BLOC1S2: variants seen among roughly 807,000 people sequenced by gnomAD.
The protein encoded by BLOC1S2 is biogenesis of lysosomal organelles complex 1 subunit 2, also known as biogenesis of lysosome-related organelles complex 1 subunit 2.
A neutral mutation model predicts 19.6 loss-of-function variants in BLOC1S2; 12 were observed. The observed-to-expected ratio is 0.61, with a 90% CI of 0.39 to 0.99. BLOC1S2 has a LOEUF of 0.99. BLOC1S2 is among the 50% of genes least tolerant of loss of function. The pLI, the probability that BLOC1S2 is intolerant of heterozygous loss-of-function variation, is 0.00. For synonymous variants in BLOC1S2, 66 were observed against 64.1 expected (o/e 1.03, Z -0.14); for missense variants, 142 against 171.0 (o/e 0.83, Z 0.95).
intron 4 of BLOC1S2, among the ~76,000 whole-genome samples, chr10:100,278,078 G>A (rs1341334663): frequency 4.0e-5 from 5 of 125,926 alleles, no homozygotes; most frequent in Non-Finnish European, 8.6e-5. Context: ...GCCCCCCGCC[G>A]GGCCAGCCGC....
At chr10:100,276,100 G>A (rs1847840375) in intron 4 of BLOC1S2, among the ~76,000 whole-genome samples, 1 of 152,116 alleles carries the variant, frequency 6.6e-6, no homozygotes, top group African/African-American at 2.4e-5. Context: ...GGTTACCCCT[G>A]CCTTCTACGC....
chr10:100,283,823 C>T (rs1161766466), intron 2 of BLOC1S2, among the ~76,000 whole-genome samples: 3 of 152,018 alleles, frequency 2.0e-5, no homozygotes, highest in Admixed American at 6.6e-5. Context: ...TGCAGTGAGC[C>T]GAGATTGCAC....
At position 100,277,878 on chromosome 10, in the gene BLOC1S2, A is replaced by C. The variant is rs1589648033; in HGVS notation, c.397+2246T>G. On this transcript the variant is annotated intron_variant, in intron 4 of 4. Transcript: ENST00000370372. Reference sequence around the variant, plus strand: ...CGGCCAGCCGCCCCGTCCGGGAGGGAGGTGGGGGGGTCAGCCCCCCGCCTG... The same window carrying C: ...CGGCCAGCCGCCCCGTCCGGGAGGGCGGTGGGGGGGTCAGCCCCCCGCCTG... 6.0e-5 allele frequency among the ~76,000 whole-genome samples: 6 copies of C among 100,724 alleles called. No homozygotes were observed. The South Asian group carries it at 2.0e-3, about 33-fold the overall frequency. The allele number at this position is 100,724 out of a possible 152,430, so 66.1% of individuals were successfully genotyped here. A position where few individuals can be genotyped will look rare whatever the true frequency, so the allele number is the denominator to read the frequency against.
intron 4 of BLOC1S2, 51 bp downstream of exon 4, chr10:100,280,073 G>T: frequency 1.4e-6 from 2 of 1,403,624 alleles, no homozygotes; most frequent in Non-Finnish European, 2.0e-6. Context: ...CTAAGAATAT[G>T]CTGGCAAGAA....
At position 100,286,085 on chromosome 10, in the gene BLOC1S2, A is replaced by G; in HGVS notation, c.172+12T>C. 6.2e-7 allele frequency: 1 copy of G among 1,612,652 alleles called. No individual in the cohort carries two copies. The highest frequency in any genetic ancestry group is 8.5e-7 in the Non-Finnish European group (1 of 1,179,404). ...CCAAACCGCACCCGAATCAACCCAGACCCCGCCTCACCCGTCAGTTCCCCA... is the reference window on the plus strand; with the variant it reads ...CCAAACCGCACCCGAATCAACCCAGGCCCCGCCTCACCCGTCAGTTCCCCA... On this transcript the variant is annotated intron_variant, in intron 2 of 4. Transcript: ENST00000370372.
At chr10:100,286,561 C>T in intron 1 of BLOC1S2, 44 bp downstream of exon 1, 1 of 1,609,756 alleles carries the variant, frequency 6.2e-7, no homozygotes, top group Non-Finnish European at 8.5e-7. Flanking sequence ...AGACGGAGCC[C>T]CAGGCCCCCC....
intron 4 of BLOC1S2, among the ~76,000 whole-genome samples, chr10:100,276,748 C>G (rs1308067528): frequency 5.3e-5 from 8 of 150,464 alleles, no homozygotes; most frequent in Admixed American, 5.3e-4. Flanking sequence ...GAGTGATCCG[C>G]CAGCCTCGGC....
Position 100,275,096 on chromosome 10 carries a change from A to C in BLOC1S2, c.*366T>G, listed in dbSNP as rs1318861116. 2.5e-6 allele frequency: 1 copy of C among 401,238 alleles called. No individual in the cohort carries two copies. The highest frequency in any genetic ancestry group is 4.3e-5 in the Admixed American group (1 of 23,072). 24.9% of individuals were successfully genotyped at this position (401,238 alleles called of 1,614,324 possible). ...ACGACCATTTACATAGTAACTAAAA[A>C]ACCAGCCACTTAAGAAAATAATGTA... On this transcript the variant is annotated 3_prime_UTR_variant, in exon 5 of 5. Transcript: ENST00000370372.
chr10:100,283,361 C>T (rs1006745718), intron 2 of BLOC1S2, among the ~76,000 whole-genome samples: 3 of 152,082 alleles, frequency 2.0e-5, no homozygotes, highest in Non-Finnish European at 2.9e-5. Context: ...AAAGACAAGA[C>T]TACAAGGATG....
chr10:100,277,512 G>C (rs1478203286), intron 4 of BLOC1S2, among the ~76,000 whole-genome samples: 5 of 115,056 alleles, frequency 4.3e-5, no homozygotes, highest in Middle Eastern at 5.6e-3. Flanking sequence ...AGGTGGGGGG[G>C]TCAGCCCCCC....
intron 4 of BLOC1S2, among the ~76,000 whole-genome samples, chr10:100,279,676 C>T (rs1307664140): frequency 1.3e-5 from 2 of 152,058 alleles, no homozygotes; most frequent in African/African-American, 2.4e-5. Context: ...GTTGGGAGAT[C>T]GAGACCAGCC....
At chr10:100,276,464 G>A (rs1330085462) in intron 4 of BLOC1S2, among the ~76,000 whole-genome samples, 1 of 19,466 alleles carries the variant, frequency 5.1e-5, no homozygotes, top group Non-Finnish European at 9.3e-5. Flanking sequence ...TCCCTCTCCC[G>A]TCTCCCTCTC....
chr10:100,279,064 G>A (rs1848029331), intron 4 of BLOC1S2, among the ~76,000 whole-genome samples: 1 of 151,700 alleles, frequency 6.6e-6, no homozygotes, highest in South Asian at 2.1e-4. Context: ...CCTAGCCTGG[G>A]TGACACAGCA....
intron 2 of BLOC1S2, among the ~76,000 whole-genome samples, chr10:100,281,548 G>A (rs991619257): frequency 6.6e-6 from 1 of 152,026 alleles, no homozygotes. Flanking sequence ...AGCGGGCGTG[G>A]TGGCAGGCAC....
In BLOC1S2 at chr10:100,273,883, G is replaced by C. The variant is rs1037301278; in HGVS notation, c.*1579C>G. 6.6e-6 allele frequency: 1 copy of C among 152,046 alleles called. No individual in the cohort carries two copies. The highest frequency in any genetic ancestry group is 1.5e-5 in the Non-Finnish European group (1 of 68,000). The allele number at this position is 152,046 out of a possible 1,614,324, so 9.4% of individuals were successfully genotyped here. The stretch of plus-strand genomic sequence containing the variant: ...AATACATGCACGGAAAAGGAAAAGG[G>C]TTGGAAGAAGGGGTAAGACTGATTC... On this transcript the variant is annotated 3_prime_UTR_variant, in exon 5 of 5. Transcript: ENST00000370372.
At chr10:100,279,690 CCAA>C (rs1848051589) in intron 4 of BLOC1S2, among the ~76,000 whole-genome samples, 1 of 152,106 alleles carries the variant, frequency 6.6e-6, no homozygotes, top group Admixed American at 6.5e-5. Flanking sequence ...ACCAGCCTGA[CCAA>C]CATGAGAGAC....
rs112277698 is a variant in BLOC1S2 at position 100,286,662 on chromosome 10, C to A, written c.-3G>T. ...ACGCCCTCGGCTGCCGCCGCCATAG[C>A]GGACCCCGCGCTGTTTCCGGGCCGG... On this transcript the variant is annotated 5_prime_UTR_variant, in exon 1 of 5. Transcript: ENST00000370372. 1 of 1,609,896 alleles carries A rather than the reference C, an allele frequency of 6.2e-7. No individual in the cohort carries two copies. Among genetic ancestry groups the A allele is most frequent in the Non-Finnish European group, 8.5e-7 (1 of 1,178,152 alleles).
chr10:100,278,083 A>T (rs1245238917), intron 4 of BLOC1S2, among the ~76,000 whole-genome samples: 5 of 132,768 alleles, frequency 3.8e-5, no homozygotes, highest in Admixed American at 1.5e-4. Flanking sequence ...CCGCCGGGCC[A>T]GCCGCTCCGT....
In BLOC1S2 at chr10:100,275,340, G is replaced by T; in HGVS notation, c.*122C>A. On this transcript the variant is annotated 3_prime_UTR_variant, in exon 5 of 5. Transcript: ENST00000370372. ...TTTACTCGAACGTTGAGATGTTCCT[G>T]TGATGACCAGCATAATTTCCTTTTG... 2.0e-6 allele frequency: 2 copies of T among 1,017,918 alleles called. No individual in the cohort carries two copies. Among genetic ancestry groups the T allele is most frequent in the Non-Finnish European group, 2.9e-6 (2 of 685,750 alleles). The allele number at this position is 1,017,918 out of a possible 1,614,324, so 63.1% of individuals were successfully genotyped here.
Sources: allele counts gnomAD v4.1 joint callset (sites outside exome capture counted in the v4.1 genomes callset), GRCh38; gene constraint gnomAD v4.1.1; transcripts MANE v1.5; gene names NCBI Gene and HGNC (gene_info 2026-07-23, HGNC 2026-07-21).